Variants in SORL1 observed in about 807,000 individuals in gnomAD.
SORL1 encodes sortilin-related receptor.
Under a neutral mutation model 273.7 loss-of-function variants are expected in SORL1, and 127 were observed. The observed-to-expected ratio is 0.46, with a 90% CI of 0.40 to 0.54. The LOEUF is 0.54. SORL1 is among the 20% of genes least tolerant of loss of function. SORL1 has a pLI of 0.00. For missense variants in SORL1, 2,494 were observed against 2,846.1 expected (o/e 0.88, Z 2.81); for synonymous variants, 1,031 against 1,067.4 (o/e 0.97, Z 0.66).
At position 121,545,226 on chromosome 11, in the gene SORL1, T is replaced by C; in HGVS notation, c.1865-17T>C. ...GGCCTGCCTCTAATGCTTCGTGCTG[T>C]GTTCCTTTTTCTTTAGGAGTTCCCT... On this transcript the variant is annotated splice_polypyrimidine_tract_variant and intron_variant, in intron 13 of 47. Transcript: ENST00000260197. 1 of 1,613,626 alleles carries C rather than the reference T, an allele frequency of 6.2e-7. No individual in the cohort carries two copies. Among genetic ancestry groups the C allele is most frequent in the Non-Finnish European group, 8.5e-7 (1 of 1,179,586 alleles).
At chr11:121,620,432 A>G (rs920547514) in intron 43 of SORL1, among the ~76,000 whole-genome samples, 2 of 152,210 alleles carry the variant, frequency 1.3e-5, no homozygotes, top group South Asian at 4.1e-4. Context: ...GATCCTAAAC[A>G]AAACAAAAAA....
At chr11:121,488,882 G>GT (rs1231656408) in intron 4 of SORL1, among the ~76,000 whole-genome samples, 1 of 152,162 alleles carries the variant, frequency 6.6e-6, no homozygotes, top group Non-Finnish European at 1.5e-5. Context: ...ACCTTGGAAC[G>GT]TTTTTTTGCA....
At chr11:121,566,458 G>A (rs1277751265) in intron 21 of SORL1, among the ~76,000 whole-genome samples, 1 of 152,142 alleles carries the variant, frequency 6.6e-6, no homozygotes, top group Non-Finnish European at 1.5e-5. Flanking sequence ...TCCTGCCTCA[G>A]CCTCCTGAGT....
rs1166863622 is a variant in SORL1, at chr11:121,520,814, G to A, written c.1369G>A (p.Ala457Thr). 1 of 1,606,622 alleles carries A rather than the reference G, an allele frequency of 6.2e-7. No individual in the cohort carries two copies. Among genetic ancestry groups the A allele is most frequent in the Non-Finnish European group, 8.5e-7 (1 of 1,177,916 alleles). The part of the protein sequence containing the change: ...GGTWEFLQAP[A>T]FTGYGEKINC... The stretch of plus-strand genomic sequence containing the variant: ...AACCTGGGAGTTTCTTCAGGCTCCA[G>A]CCTTCACGGGATATGGAGAGAAAAT... The change falls in exon 9 of 48, where the codon GCC (alanine) becomes ACC (threonine). Residue 457 changes from alanine to threonine, a missense_variant. Transcript: ENST00000260197.
chr11:121,604,930 CT>C (rs992503368), intron 33 of SORL1, among the ~76,000 whole-genome samples, 182 bp from the exon 34 acceptor site: 100 of 146,278 alleles, frequency 6.8e-4, no homozygotes, highest in East Asian at 1.8e-3. Context: ...TAAGATGTAA[CT>C]TTTTTTTTTT....
chr11:121,522,477 C>G (rs1204785668), intron 9 of SORL1, 109 bp from the exon 10 acceptor site: 10 of 798,410 alleles, frequency 1.3e-5, no homozygotes, highest in Non-Finnish European at 1.9e-5. Context: ...CTGGGCCAGG[C>G]CTCCTTGCCC....
chr11:121,613,693 G>A (rs551541993), intron 40 of SORL1, among the ~76,000 whole-genome samples: 2 of 152,268 alleles, frequency 1.3e-5, no homozygotes, highest in Admixed American at 6.5e-5. Context: ...AGATATGCCC[G>A]CTTTACAGAG....
At chr11:121,549,427 A>G (rs185514105) in intron 14 of SORL1, among the ~76,000 whole-genome samples, 13 of 152,062 alleles carry the variant, frequency 8.5e-5, no homozygotes, top group Non-Finnish European at 1.8e-4. Context: ...GGGTCTTACC[A>G]TGTTGCCCAT....
rs529774964 is a variant in SORL1 at position 121,604,101 on chromosome 11, A to G, written c.4520-92A>G. 111 of 1,485,086 alleles carry G rather than the reference A, an allele frequency of 7.5e-5. No homozygotes were observed. In the East Asian group the frequency reaches 2.0e-3, roughly 27 times the overall value. 92.0% of individuals were successfully genotyped at this position (1,485,086 alleles called of 1,614,324 possible). On this transcript the variant is annotated intron_variant, in intron 32 of 47. Transcript: ENST00000260197. ...GTGTGTTTTGAAGCAGAAGCCAATT[A>G]GTACTTTGCCTAAATGGGAATAAAC...
chr11:121,574,692 A>G (rs1471337701), intron 24 of SORL1, among the ~76,000 whole-genome samples: 1 of 152,172 alleles, frequency 6.6e-6, no homozygotes, highest in East Asian at 1.9e-4. Flanking sequence ...CTCATGATTC[A>G]TGGTCAGAAA....
In SORL1 at chr11:121,596,287, C is replaced by T. The variant is rs1863294094; in HGVS notation, c.4519+515C>T. ...GGGAATAATCACAGGGCCATCTGAGCCCAGTGTGAGGTGATGCATGCATTC... is the reference window on the plus strand; with the variant it reads ...GGGAATAATCACAGGGCCATCTGAGTCCAGTGTGAGGTGATGCATGCATTC... On this transcript the variant is annotated intron_variant, in intron 32 of 47. Coordinates refer to ENST00000260197, the MANE Select transcript of SORL1 (RefSeq NM_003105.6). This position sits in a 1 kb window ranked among gnomAD's most constrained non-coding sequence, Gnocchi z 4.3. Among the ~76,000 whole-genome samples the T allele has an allele frequency of 2.6e-5, 4 of 152,136 alleles. No homozygotes were observed. The highest frequency in any genetic ancestry group is 2.1e-4 in the South Asian group (1 of 4,826).
rs79533290 is a variant in SORL1, at chr11:121,554,578, G to T, written c.2439+469G>T. Among the ~76,000 whole-genome samples the T allele has an allele frequency of 6.6e-6, 1 of 152,212 alleles. No homozygotes were observed. The highest frequency in any genetic ancestry group is 2.4e-5 in the African/African-American group (1 of 41,440). On this transcript the variant is annotated intron_variant, in intron 17 of 47. Transcript: ENST00000260197. The surrounding 1 kb of genome is among the most constrained non-coding windows in gnomAD (Gnocchi z 4.6). ...GGACAGGCCAGGTGGATAGCCATACGCTCACACCCATGCATTTAAAGGAGA... is the reference window on the plus strand; with the variant it reads ...GGACAGGCCAGGTGGATAGCCATACTCTCACACCCATGCATTTAAAGGAGA...
At position 121,550,664 on chromosome 11, in the gene SORL1, C is replaced by G. The variant is rs1310324159; in HGVS notation, c.2260C>G (p.Leu754Val). The change falls in exon 16 of 48, where the codon CTG (leucine) becomes GTG (valine). Residue 754 changes from leucine to valine, a missense_variant. By Grantham distance (32) the Leu-to-Val change is conservative. Around this residue, in one of 3 missense-constraint regions of SORL1, gnomAD observed 710 missense variants for 882.5 expected, o/e 0.80. Coordinates refer to ENST00000260197, the MANE Select transcript of SORL1 (RefSeq NM_003105.6). The surrounding 1 kb of genome is among the most constrained non-coding windows in gnomAD (Gnocchi z 5.3). ...RLEGELVPCPLAEENEFILYA... is the reference protein window; with the variant it reads ...RLEGELVPCPVAEENEFILYA... ...GGAAGGAGAGCTGGTCCCCTGTCCCCTGGCAGGTAAGAGAGGTGGTTTCTT... is the reference window on the plus strand; with the variant it reads ...GGAAGGAGAGCTGGTCCCCTGTCCCGTGGCAGGTAAGAGAGGTGGTTTCTT... 2.5e-6 allele frequency: 4 copies of G among 1,612,908 alleles called. No homozygotes were observed. In the Admixed American group the frequency reaches 5.0e-5, roughly 20 times the overall value.
chr11:121,535,676 T>A (rs928922284), intron 12 of SORL1, among the ~76,000 whole-genome samples: 1 of 152,104 alleles, frequency 6.6e-6, no homozygotes, highest in African/African-American at 2.4e-5. Context: ...TAGGGTTTTT[T>A]TTTTTTTTGG....
intron 1 of SORL1, 109 bp from the exon 2 acceptor site, chr11:121,469,898 G>A: frequency 1.2e-6 from 1 of 832,098 alleles, no homozygotes; most frequent in Non-Finnish European, 2.0e-6. Flanking sequence ...TGCTTTAGAT[G>A]GCAGAATCTT....
At chr11:121,517,128 C>T (rs573239681) in intron 8 of SORL1, among the ~76,000 whole-genome samples, 1 of 152,262 alleles carries the variant, frequency 6.6e-6, no homozygotes, top group Admixed American at 6.5e-5. Flanking sequence ...AATTCAGTGG[C>T]ATTCAATACA....
At position 121,559,506 on chromosome 11, in the gene SORL1, G is replaced by A; in HGVS notation, c.2911-13G>A. The A allele has an allele frequency of 6.2e-7, 1 of 1,611,392 alleles. No homozygotes were observed. Among genetic ancestry groups the A allele is most frequent in the Non-Finnish European group, 8.5e-7 (1 of 1,179,096 alleles). On this transcript the variant is annotated splice_polypyrimidine_tract_variant and intron_variant, in intron 20 of 47. Coordinates refer to ENST00000260197, the MANE Select transcript of SORL1 (RefSeq NM_003105.6). ...GAAAGAGCTGGACTAATGGGCAAAG[G>A]TTTTCTTTTTAGAATGAAATCTACT...
chr11:121,577,467 A>C, intron 25 of SORL1, 67 bp downstream of exon 25: 1 of 1,425,280 alleles, frequency 7.0e-7, no homozygotes, highest in Non-Finnish European at 9.3e-7. Context: ...TTATAGCTTT[A>C]AACGATCGGA....
chr11:121,490,491 G>A (rs929499303), intron 5 of SORL1, among the ~76,000 whole-genome samples: 1 of 152,090 alleles, frequency 6.6e-6, no homozygotes, highest in African/African-American at 2.4e-5. Context: ...TGTAATCCCA[G>A]CACTTTGGGA....
Sources: gnomAD v4.1 joint callset for allele counts (sites outside exome capture counted in the v4.1 genomes callset) on GRCh38, gnomAD v4.1.1 for gene constraint, gnomAD v4.1.1 regional missense constraint, Gnocchi (gnomAD v3.1) non-coding constraint, MANE v1.5 for transcripts, NCBI Gene and HGNC (gene_info 2026-07-23, HGNC 2026-07-21) for gene names.